Variants in ERLIN1 observed in about 807,000 individuals in gnomAD.
ERLIN1 encodes the protein ER lipid raft associated 1.
In ERLIN1, 24 loss-of-function variants were observed where a neutral mutation model predicts 46.9. That is an observed-to-expected ratio of 0.51 (90% CI 0.37 to 0.72). ERLIN1 has a LOEUF of 0.72. Among genes scored for constraint, ERLIN1 ranks in the 30% least tolerant of loss-of-function variants. The probability of loss-of-function intolerance (pLI) is 0.00; values close to 1 mark genes in which losing one functional copy is unlikely to be tolerated. For synonymous variants in ERLIN1, 158 were observed against 143.2 expected (o/e 1.10, Z -0.74); for missense variants, 293 against 417.9 (o/e 0.70, Z 2.61).
intron 7 of ERLIN1, among the ~76,000 whole-genome samples, chr10:100,166,306 A>T (rs1217221704): frequency 1.3e-5 from 2 of 152,008 alleles, no homozygotes; most frequent in South Asian, 2.1e-4. Context: ...GGTAGTCCCA[A>T]CTACTCAGGA....
intron 9 of ERLIN1, among the ~76,000 whole-genome samples, chr10:100,155,572 T>C (rs995213999): frequency 6.6e-6 from 1 of 151,978 alleles, no homozygotes; most frequent in Non-Finnish European, 1.5e-5. Context: ...TGGAGTGCAG[T>C]GGCGGGATCT....
intron 8 of ERLIN1, among the ~76,000 whole-genome samples, chr10:100,161,524 C>T (rs1201011072): frequency 6.6e-6 from 1 of 152,054 alleles, no homozygotes; most frequent in Non-Finnish European, 1.5e-5. Flanking sequence ...ATCAAAATCC[C>T]AACACAATAT....
At chr10:100,181,431 ATT>A (rs1193452954) in intron 2 of ERLIN1, among the ~76,000 whole-genome samples, 11 of 151,862 alleles carry the variant, frequency 7.2e-5, no homozygotes, top group African/African-American at 2.4e-4. Flanking sequence ...TTGTTAAACC[ATT>A]TGTTTATCTG....
rs1470262567 is a variant in ERLIN1 at position 100,185,837 on chromosome 10, GC to G, written c.-212del. 1 of 577,000 alleles carries G rather than the reference GC, an allele frequency of 1.7e-6. No individual in the cohort carries two copies. Among genetic ancestry groups the G allele is most frequent in the Non-Finnish European group, 3.1e-6 (1 of 323,452 alleles). The allele number at this position is 577,000 out of a possible 1,614,324, so 35.7% of individuals were successfully genotyped here. A position where few individuals can be genotyped will look rare whatever the true frequency, so the allele number is the denominator to read the frequency against. On this transcript the variant is annotated 5_prime_UTR_variant, in exon 1 of 11. Coordinates refer to ENST00000421367, the MANE Select transcript of ERLIN1 (RefSeq NM_006459.4). ...CTCCGCCCCCGGAGGCCAGTGGGCC[GC>G]CCCTGCTCGGTGAGCTTCCTGAAAC...
At position 100,150,845 on chromosome 10, in the gene ERLIN1, T is replaced by C. The variant is rs1842768193; in HGVS notation, c.*1286A>G. 6.6e-6 allele frequency: 1 copy of C among 152,230 alleles called. No individual in the cohort carries two copies. Among genetic ancestry groups the C allele is most frequent in the Non-Finnish European group, 1.5e-5 (1 of 68,040 alleles). 9.4% of individuals were successfully genotyped at this position (152,230 alleles called of 1,614,324 possible). The stretch of plus-strand genomic sequence containing the variant: ...AAGGAAAAAAAGGGTCCACATGAAG[T>C]AGGTCTCCTAATGCCACAGGTTAAC... On this transcript the variant is annotated 3_prime_UTR_variant, in exon 11 of 11. Transcript: ENST00000421367.
chr10:100,169,621 TAA>T (rs67272064), intron 6 of ERLIN1, among the ~76,000 whole-genome samples: 1 of 144,892 alleles, frequency 6.9e-6, no homozygotes, highest in Non-Finnish European at 1.5e-5. Context: ...CCTCAATGAT[TAA>T]AAAAAAAAAA....
chr10:100,179,332 T>G, intron 2 of ERLIN1, 85 bp from the exon 3 acceptor site: 1 of 892,170 alleles, frequency 1.1e-6, no homozygotes, highest in South Asian at 1.4e-5. Context: ...TCTGGAAAGC[T>G]GCTGACAGTA....
chr10:100,178,000 C>T, intron 4 of ERLIN1, 133 bp downstream of exon 4: 1 of 643,822 alleles, frequency 1.6e-6, no homozygotes, highest in Non-Finnish European at 2.7e-6. Flanking sequence ...TGCCTCTATT[C>T]CCCAGAAATT....
intron 2 of ERLIN1, among the ~76,000 whole-genome samples, chr10:100,182,176 T>C (rs534949623): frequency 1.3e-5 from 2 of 151,916 alleles, no homozygotes; most frequent in South Asian, 2.1e-4. Flanking sequence ...CAAGATCTAT[T>C]TGTTAGAGCC....
chr10:100,172,605 G>A lies in ERLIN1; in HGVS notation c.504+1603C>T, dbSNP rs539862782. Among the ~76,000 whole-genome samples, 437 of 152,286 alleles carry A rather than the reference G, an allele frequency of 2.9e-3. 4 individuals carry two copies. Among genetic ancestry groups the A allele is most frequent in the African/African-American group, 0.01 (426 of 41,562 alleles). On this transcript the variant is annotated intron_variant, in intron 6 of 10. Coordinates refer to ENST00000421367, the MANE Select transcript of ERLIN1 (RefSeq NM_006459.4). Reference sequence around the variant, plus strand: ...CAACCTCATTAACAACCAAAGGAATGCAAATCAAAGGGAGATATAATTGCC... The same window carrying A: ...CAACCTCATTAACAACCAAAGGAATACAAATCAAAGGGAGATATAATTGCC...
Position 100,178,212 on chromosome 10 carries a change from A to G in ERLIN1, c.243-18T>C, listed in dbSNP as rs3750707. On this transcript the variant is annotated intron_variant, in intron 3 of 10. Transcript: ENST00000421367. ...CCCCACCACTAAAAACAAAGAAAAA[A>G]AGTGTGAACTACTAAAGGCAATCCA... 0.076 allele frequency: 117,033 copies of G among 1,531,872 alleles called. 6,979 individuals are homozygous for G. Among genetic ancestry groups the G allele is most frequent in the East Asian group, 0.33 (13,868 of 41,668 alleles). The allele number at this position is 1,531,872 out of a possible 1,614,324, so 94.9% of individuals were successfully genotyped here.
intron 4 of ERLIN1, among the ~76,000 whole-genome samples, chr10:100,176,937 C>A (rs947928767): frequency 6.6e-6 from 1 of 152,116 alleles, no homozygotes; most frequent in African/African-American, 2.4e-5. Flanking sequence ...GCCTGGCCAA[C>A]ATGGTGAAAC....
intron 7 of ERLIN1, among the ~76,000 whole-genome samples, chr10:100,164,465 CA>C (rs1452827715): frequency 6.6e-6 from 1 of 152,204 alleles, no homozygotes; most frequent in Non-Finnish European, 1.5e-5. Context: ...AAAACGGCAC[CA>C]GCCGTTTCTA....
intron 8 of ERLIN1, among the ~76,000 whole-genome samples, chr10:100,157,745 AG>A (rs1463497537): frequency 6.6e-6 from 1 of 152,228 alleles, no homozygotes; most frequent in African/African-American, 2.4e-5. Context: ...CATGAATAAA[AG>A]GTGAGGGATC....
intron 1 of ERLIN1, among the ~76,000 whole-genome samples, chr10:100,185,299 T>C (rs963466754): frequency 2.6e-5 from 4 of 152,174 alleles, no homozygotes; most frequent in Admixed American, 6.5e-5. Context: ...GGAATAACCG[T>C]AGGGAGACTT....
chr10:100,155,508 A>T (rs7912631), intron 9 of ERLIN1, among the ~76,000 whole-genome samples: 27,412 of 137,562 alleles, frequency 0.2, 4,717 homozygotes, highest in African/African-American at 0.51. Flanking sequence ...GGGTTTATTT[A>T]TTTTTAATTT....
At chr10:100,166,898 G>A (rs1843673599) in intron 7 of ERLIN1, among the ~76,000 whole-genome samples, 1 of 152,126 alleles carries the variant, frequency 6.6e-6, no homozygotes, top group Non-Finnish European at 1.5e-5. Flanking sequence ...AAAGAACCAG[G>A]TCTAATTTTA....
intron 7 of ERLIN1, among the ~76,000 whole-genome samples, chr10:100,165,496 C>G (rs7902269): frequency 0.049 from 7,379 of 151,258 alleles, 599 homozygotes; most frequent in African/African-American, 0.17. Flanking sequence ...ACGCCATTCT[C>G]CTGCCTCAGC....
rs753572492 is a variant in ERLIN1, at chr10:100,185,647, G to C, written c.-21C>G. 1.1e-5 allele frequency: 17 copies of C among 1,591,412 alleles called. No homozygotes were observed. The East Asian group carries it at 3.8e-4, about 36-fold the overall frequency. ...TTCATTCTCGTTCCTCCTGGGAGCG[G>C]GAGAAAAGGACCCTCAGTCCCGTGA... On this transcript the variant is annotated 5_prime_UTR_variant, in exon 1 of 11. Coordinates refer to ENST00000421367, the MANE Select transcript of ERLIN1 (RefSeq NM_006459.4).
Sources: gnomAD v4.1 joint callset for allele counts (sites outside exome capture counted in the v4.1 genomes callset) on GRCh38, gnomAD v4.1.1 for gene constraint, MANE v1.5 for transcripts, NCBI Gene and HGNC (gene_info 2026-07-23, HGNC 2026-07-21) for gene names.